The following NAV3 variants were observed in gnomAD, a reference collection of about 807,000 sequenced individuals.
NAV3 encodes pore membrane and/or filament interacting like protein 1.
Under a neutral mutation model 244.7 loss-of-function variants are expected in NAV3, and 87 were observed. That is an observed-to-expected ratio of 0.36 (90% CI 0.30 to 0.42). NAV3 has a LOEUF of 0.42. Among genes scored for constraint, NAV3 ranks in the 20% least tolerant of loss-of-function variants. NAV3 has a pLI of 1.00. For synonymous variants in NAV3, 1,126 were observed against 1,042.2 expected (o/e 1.08, Z -1.55); for missense variants, 2,663 against 2,893.3 (o/e 0.92, Z 1.83).
chr12:78,126,256 C>T (rs1031955908), intron 16 of NAV3, among the ~76,000 whole-genome samples: 1 of 152,130 alleles, frequency 6.6e-6, no homozygotes, highest in African/African-American at 2.4e-5. Context: ...AATTTTAGGT[C>T]AGCCTTTTTA....
At position 77,813,934 on chromosome 12, in the gene NAV3, TCTC is replaced by T. The variant is rs2136009121; in HGVS notation, c.73-126382_73-126380del. ...TAAAAGTAAACCTCTTTCTTGCTCT[TCTC>T]CTTGTAGCTCACTACAAAACTGATA... On this transcript the variant is annotated intron_variant, in intron 2 of 8. Coordinates refer to the NAV3 transcript ENST00000550042. Among the ~76,000 whole-genome samples the T allele has an allele frequency of 3.3e-5, 5 of 152,328 alleles. 1 individual carries two copies. In the South Asian group the frequency reaches 1.0e-3, roughly 32 times the overall value.
chr12:78,050,578 G>A (rs1566062956), intron 10 of NAV3, among the ~76,000 whole-genome samples, 186 bp from the exon 11 acceptor site: 1 of 152,046 alleles, frequency 6.6e-6, no homozygotes, highest in African/African-American at 2.4e-5. Flanking sequence ...GAAAACAAAC[G>A]AAAAGCTATA....
rs146171245 is a variant in NAV3, at chr12:77,878,632, T to A, written c.243+46928T>A. Among the ~76,000 whole-genome samples, 11 of 151,792 alleles carry A rather than the reference T, an allele frequency of 7.2e-5. No homozygotes were observed. The East Asian group carries it at 2.1e-3, about 30-fold the overall frequency. On this transcript the variant is annotated intron_variant, in intron 1 of 39. Coordinates refer to ENST00000397909, the MANE Select transcript of NAV3 (RefSeq NM_001024383.2). Reference sequence around the variant, plus strand: ...CTGGGTACTGAGCATATGGAAACTGTATTATCTTCTCAATCTTTTGTAATG... The same window carrying A: ...CTGGGTACTGAGCATATGGAAACTGAATTATCTTCTCAATCTTTTGTAATG...
intron 7 of NAV3, among the ~76,000 whole-genome samples, chr12:78,002,577 T>C (rs1873486410): frequency 6.6e-6 from 1 of 152,188 alleles, no homozygotes; most frequent in Non-Finnish European, 1.5e-5. Flanking sequence ...AACATAGATG[T>C]CTAGCTCTTA....
chr12:77,706,384 G>T (rs1325596054), intron 2 of NAV3, among the ~76,000 whole-genome samples: 1 of 151,266 alleles, frequency 6.6e-6, no homozygotes, highest in African/African-American at 2.5e-5. Context: ...CACATAAAAA[G>T]ACTTTCTTCA....
Position 78,059,553 on chromosome 12 carries a change from CT to C in NAV3, c.2636+439del, listed in dbSNP as rs199920606. ...CCACCCGCCTCGGCCTCCCAAAGTA[CT>C]GGGATTACAGGCATGAGCCTCTACG... On this transcript the variant is annotated intron_variant, in intron 12 of 39. Transcript: ENST00000397909. Among the ~76,000 whole-genome samples, 543 of 152,290 alleles carry C rather than the reference CT, an allele frequency of 3.6e-3. 18 individuals are homozygous for C. The East Asian group carries it at 0.086, about 24-fold the overall frequency.
At chr12:77,887,237 T>C (rs1259933934) in intron 1 of NAV3, among the ~76,000 whole-genome samples, 4 of 152,130 alleles carry the variant, frequency 2.6e-5, no homozygotes, top group African/African-American at 9.7e-5. Flanking sequence ...CCATTCCATA[T>C]AGTTTTGCTC....
intron 12 of NAV3, among the ~76,000 whole-genome samples, chr12:78,116,016 C>T (rs1231070958): frequency 6.6e-6 from 1 of 152,158 alleles, no homozygotes; most frequent in Non-Finnish European, 1.5e-5. Flanking sequence ...TTCTTATGCA[C>T]TGTGTGGCAC....
intron 3 of NAV3, among the ~76,000 whole-genome samples, chr12:77,948,411 T>C (rs1443390681): frequency 1.3e-5 from 2 of 151,976 alleles, no homozygotes; most frequent in Non-Finnish European, 2.9e-5. Flanking sequence ...TATATATGCA[T>C]ATATAACTAT....
At chr12:77,662,984 A>G (rs1209813441) in intron 2 of NAV3, among the ~76,000 whole-genome samples, 2 of 152,222 alleles carry the variant, frequency 1.3e-5, no homozygotes, top group African/African-American at 4.8e-5. Flanking sequence ...CATTAAAGAA[A>G]AATGCTTATG....
intron 3 of NAV3, among the ~76,000 whole-genome samples, chr12:77,952,694 C>T (rs1331797551): frequency 4.6e-5 from 7 of 152,074 alleles, no homozygotes; most frequent in African/African-American, 7.2e-5. Context: ...AATTATTTGG[C>T]TCCTCTGCTT....
intron 2 of NAV3, among the ~76,000 whole-genome samples, chr12:77,755,581 TCCTCCCTCCCTCCCTC>T (rs1176667955): frequency 2.4e-4 from 2 of 8,432 alleles, no homozygotes; most frequent in South Asian, 8.8e-3. Context: ...TCCTTTCCTT[TCCTCCCTCCCTCCCTC>T]CCTCCCTCCC....
At chr12:77,753,161 TAGAA>T (rs1246709651) in intron 2 of NAV3, among the ~76,000 whole-genome samples, 1 of 152,150 alleles carries the variant, frequency 6.6e-6, no homozygotes, top group East Asian at 1.9e-4. Flanking sequence ...TGACAACACA[TAGAA>T]AGTAAAAAAG....
intron 2 of NAV3, among the ~76,000 whole-genome samples, chr12:77,674,018 A>C (rs1592568408): frequency 6.6e-6 from 1 of 150,854 alleles, no homozygotes; most frequent in African/African-American, 2.5e-5. Flanking sequence ...CTAATATCCC[A>C]GGTCATGAAA....
At chr12:78,100,918 ATT>A (rs1954507123) in intron 12 of NAV3, among the ~76,000 whole-genome samples, 1 of 152,026 alleles carries the variant, frequency 6.6e-6, no homozygotes, top group Non-Finnish European at 1.5e-5. Context: ...TTTAGTCTTC[ATT>A]TTCCTGATAA....
At chr12:78,007,691 T>G (rs1295696090) in intron 8 of NAV3, among the ~76,000 whole-genome samples, 1 of 152,220 alleles carries the variant, frequency 6.6e-6, no homozygotes, top group East Asian at 1.9e-4. Flanking sequence ...TTGAATTACT[T>G]GTTATCAAAA....
intron 2 of NAV3, among the ~76,000 whole-genome samples, chr12:77,632,121 A>T (rs1168891473): frequency 6.6e-6 from 1 of 152,128 alleles, no homozygotes; most frequent in Non-Finnish European, 1.5e-5. Context: ...CTTTCCATTG[A>T]GAGACATAAC....
At chr12:77,866,263 G>C (rs1221218511) in intron 1 of NAV3, among the ~76,000 whole-genome samples, 1 of 152,132 alleles carries the variant, frequency 6.6e-6, no homozygotes, top group Non-Finnish European at 1.5e-5. Flanking sequence ...ACATTCTATT[G>C]AAGAATTGAA....
intron 2 of NAV3, chr12:77,783,208 G>A (rs1437166254): frequency 6.6e-6 from 1 of 151,812 alleles, no homozygotes; most frequent in Non-Finnish European, 1.5e-5. Flanking sequence ...TTGCTTATTA[G>A]AACTGCGAGC....
Sources: allele counts gnomAD v4.1 joint callset (sites outside exome capture counted in the v4.1 genomes callset), GRCh38; gene constraint gnomAD v4.1.1; transcripts MANE v1.5; gene names NCBI Gene and HGNC (gene_info 2026-07-23, HGNC 2026-07-21).